Variants in RPL5 observed in about 807,000 individuals in gnomAD.
RPL5 encodes the protein large ribosomal subunit protein uL18.
Under a neutral mutation model 38.4 loss-of-function variants are expected in RPL5, and 1 was observed. The observed-to-expected ratio is 0.03, with a 90% CI of 0.01 to 0.12. The LOEUF (loss-of-function observed/expected upper bound fraction) is 0.12. Among genes scored for constraint, RPL5 ranks in the 10% least tolerant of loss-of-function variants. The pLI is 1.00. For missense variants in RPL5, 243 were observed against 374.1 expected (o/e 0.65, Z 2.89); for synonymous variants, 109 against 121.2 (o/e 0.90, Z 0.66).
At chr1:92,838,970 C>T (rs1445242252) in intron 6 of RPL5, among the ~76,000 whole-genome samples, 9 of 150,628 alleles carry the variant, frequency 6.0e-5, no homozygotes, top group African/African-American at 2.2e-4. Flanking sequence ...TTTTAGAGAC[C>T]TGGATTACTG....
chr1:92,832,048 C>T lies in RPL5; in HGVS notation c.-67C>T, dbSNP rs1686923261. On this transcript the variant is annotated 5_prime_UTR_variant, in exon 1 of 8. Transcript: ENST00000370321. ...TGCGCAAGGGCTGTGGCCCTTTTCC[C>T]ACCCCCTAGCGCCGCTGGGCCTGCA... The T allele has an allele frequency of 1.2e-6, 2 of 1,608,906 alleles. No individual in the cohort carries two copies. The highest frequency in any genetic ancestry group is 1.1e-5 in the South Asian group (1 of 90,200).
At chr1:92,834,954 ATTGC>A (rs1197657462) in intron 4 of RPL5, 41 bp downstream of exon 4, 6 of 1,599,470 alleles carry the variant, frequency 3.8e-6, no homozygotes, top group Admixed American at 1.7e-5. Flanking sequence ...TTTGTGGCTG[ATTGC>A]TTGGAGAGTT....
chr1:92,833,844 T>C, intron 3 of RPL5, 184 bp downstream of exon 3: 1 of 604,726 alleles, frequency 1.7e-6, no homozygotes, highest in Non-Finnish European at 2.9e-6. Context: ...AAAATGCTCT[T>C]GGTTGCGCTC....
intron 4 of RPL5, 28 bp from the exon 5 acceptor site, chr1:92,836,162 C>T: frequency 6.3e-7 from 1 of 1,593,030 alleles, no homozygotes; most frequent in Non-Finnish European, 8.6e-7. Flanking sequence ...ATAATTGAAA[C>T]CAGCATTTAC....
chr1:92,832,027 C>T (rs1427270389), upstream of RPL5: 12 of 1,588,648 alleles, frequency 7.6e-6, no homozygotes, highest in South Asian at 2.3e-5. Context: ...TGCGCCTGCG[C>T]AAGGGCTGTG....
At position 92,833,614 on chromosome 1, in the gene RPL5, A is replaced by G; in HGVS notation, c.143A>G (p.Lys48Arg). ...IQDKNKYNTP[K>R]YRMIVRVTNR... ...GATAAAAATAAATACAACACACCCAAATACAGGATGATAGTTCGTGTGACA... is the reference window on the plus strand; with the variant it reads ...GATAAAAATAAATACAACACACCCAGATACAGGATGATAGTTCGTGTGACA... The change falls in exon 3 of 8, where the codon AAA becomes AGA. Residue 48 changes from lysine to arginine, a missense_variant. Physicochemically the swap from Lys to Arg is conservative, Grantham distance 26. Transcript: ENST00000370321. 6.2e-7 allele frequency: 1 copy of G among 1,612,514 alleles called. No individual in the cohort carries two copies. Among genetic ancestry groups the G allele is most frequent in the South Asian group, 1.1e-5 (1 of 91,012 alleles).
chr1:92,837,628 G>A lies in RPL5; in HGVS notation c.700G>A (p.Asp234Asn). 1 of 1,611,856 alleles carries A rather than the reference G, an allele frequency of 6.2e-7. No individual in the cohort carries two copies. The highest frequency in any genetic ancestry group is 1.7e-5 in the Admixed American group (1 of 60,014). ...ATACATAAAGAACAGCGTAACTCCA[G>A]ACATGGTAAAACATTTACCTAAAAA... ...SQYIKNSVTP[D>N]MMEEMYKKAH... Residue 234 changes from aspartate to asparagine, a missense_variant, in exon 6 of 8, where the codon GAC (aspartate) becomes AAC (asparagine). By Grantham distance (23) the Asp-to-Asn change is conservative. Transcript: ENST00000370321.
chr1:92,840,868 C>T (rs1172780007), intron 7 of RPL5: 1 of 636,742 alleles, frequency 1.6e-6, no homozygotes, highest in African/African-American at 1.8e-5. Context: ...CTGGTTACTG[C>T]ATTTTTTTAT....
At chr1:92,836,439 C>A in intron 5 of RPL5, 47 bp downstream of exon 5, 1 of 1,524,472 alleles carries the variant, frequency 6.6e-7, no homozygotes, top group South Asian at 1.1e-5. Flanking sequence ...TGGTACTTCC[C>A]TGTTTTTAAC....
At chr1:92,837,227 A>G (rs1687164723) in intron 5 of RPL5, 3 of 708,648 alleles carry the variant, frequency 4.2e-6, no homozygotes, top group East Asian at 5.5e-5. Context: ...AGCCTTGGTA[A>G]TGGCTTTTAA....
chr1:92,832,200 G>T, intron 1 of RPL5, 83 bp downstream of exon 1: 1 of 1,590,490 alleles, frequency 6.3e-7, no homozygotes, highest in Non-Finnish European at 8.6e-7. Context: ...GGCCCGTCTC[G>T]CGCGTCGCAG....
In RPL5 at chr1:92,835,378, C is replaced by T. The variant is rs139844187; in HGVS notation, c.324+465C>T. ...TTAAAACTGGAGAATCTTGGCTAGG[C>T]GCGGTGGCTCACACTTATAATCCCA... On this transcript the variant is annotated intron_variant, in intron 4 of 7. Coordinates refer to ENST00000370321, the MANE Select transcript of RPL5 (RefSeq NM_000969.5). 185 of 221,468 alleles carry T rather than the reference C, an allele frequency of 8.4e-4. 1 individual carries two copies. Among genetic ancestry groups the T allele is most frequent in the African/African-American group, 4.1e-3 (180 of 43,974 alleles). 13.7% of individuals were successfully genotyped at this position (221,468 alleles called of 1,614,324 possible). A position where few individuals can be genotyped will look rare whatever the true frequency, so the allele number is the denominator to read the frequency against.
upstream of RPL5, chr1:92,831,994 G>A: frequency 4.1e-6 from 6 of 1,472,200 alleles, no homozygotes; most frequent in Middle Eastern, 1.7e-4. Context: ...CACGTCACTG[G>A]CGTGACCGTC....
At chr1:92,832,758 A>G (rs1271182928) in intron 1 of RPL5, 2 of 486,228 alleles carry the variant, frequency 4.1e-6, no homozygotes, top group African/African-American at 3.9e-5. Flanking sequence ...TAGGGCCCCA[A>G]GGGTGGGATG....
At chr1:92,836,112 C>A in intron 4 of RPL5, 78 bp from the exon 5 acceptor site, 2 of 1,347,132 alleles carry the variant, frequency 1.5e-6, no homozygotes, top group Non-Finnish European at 2.1e-6. Context: ...GTGGTCCTTA[C>A]GGTTATGACA....
At chr1:92,832,647 C>T in intron 1 of RPL5, 1 of 312,514 alleles carries the variant, frequency 3.2e-6, no homozygotes. Flanking sequence ...AGCTTGGAGG[C>T]CGAGGGGTCC....
chr1:92,832,330 C>T, intron 1 of RPL5: 1 of 728,818 alleles, frequency 1.4e-6, no homozygotes, highest in Non-Finnish European at 2.4e-6. Context: ...AGAAGGGTTG[C>T]GTGAGCTTGG....
At chr1:92,838,700 T>C in intron 6 of RPL5, among the ~76,000 whole-genome samples, 1 of 152,240 alleles carries the variant, frequency 6.6e-6, no homozygotes, top group Admixed American at 6.5e-5. Flanking sequence ...ATTATCTACA[T>C]GTCTGCTTGT....
At chr1:92,834,181 C>T (rs1297601271) in intron 3 of RPL5, among the ~76,000 whole-genome samples, 1 of 152,118 alleles carries the variant, frequency 6.6e-6, no homozygotes, top group African/African-American at 2.4e-5. Context: ...TAGGGTTTGT[C>T]CTGATTTTTC....
Sources: allele counts gnomAD v4.1 joint callset (sites outside exome capture counted in the v4.1 genomes callset), GRCh38; gene constraint gnomAD v4.1.1; transcripts MANE v1.5; gene names NCBI Gene and HGNC (gene_info 2026-07-23, HGNC 2026-07-21).